PPM1H: variants seen among roughly 807,000 people sequenced by gnomAD.
The protein encoded by PPM1H is protein phosphatase, Mg2+/Mn2+ dependent 1H.
A neutral mutation model predicts 54.9 loss-of-function variants in PPM1H; 27 were observed. The observed-to-expected ratio is 0.49, with a 90% CI of 0.36 to 0.68. The LOEUF (loss-of-function observed/expected upper bound fraction) is 0.68. Among genes scored for constraint, PPM1H ranks in the 30% least tolerant of loss-of-function variants. PPM1H has a pLI of 0.00. For missense variants in PPM1H, 596 were observed against 667.8 expected (o/e 0.89, Z 1.19); for synonymous variants, 305 against 270.8 (o/e 1.13, Z -1.24).
intron 6 of PPM1H, among the ~76,000 whole-genome samples, chr12:62,710,542 A>G (rs2076201057): frequency 6.6e-6 from 1 of 151,496 alleles, no homozygotes; most frequent in Admixed American, 6.6e-5. Context: ...CTCTTTAAAA[A>G]AAAAAAAAAA....
chr12:62,827,561 T>TG (rs1868304445), intron 2 of PPM1H, among the ~76,000 whole-genome samples: 1 of 152,204 alleles, frequency 6.6e-6, no homozygotes, highest in Non-Finnish European at 1.5e-5. Flanking sequence ...TTATGGTGTA[T>TG]GATGACCCTT....
intron 8 of PPM1H, among the ~76,000 whole-genome samples, chr12:62,668,362 C>T (rs1216427441): frequency 6.6e-6 from 1 of 152,154 alleles, no homozygotes; most frequent in African/African-American, 2.4e-5. Context: ...TTCAGCCTCC[C>T]TTATTACTCT....
At chr12:62,918,297 T>G (rs1871686007) in intron 1 of PPM1H, among the ~76,000 whole-genome samples, 1 of 152,206 alleles carries the variant, frequency 6.6e-6, no homozygotes, top group Admixed American at 6.5e-5. Context: ...AATTTTTCAT[T>G]AACTTATTTT....
chr12:62,756,126 A>G, intron 4 of PPM1H: 3 of 867,872 alleles, frequency 3.5e-6, no homozygotes, highest in Non-Finnish European at 5.8e-6. Context: ...TGGGGATGGC[A>G]TTGACCTCAA....
Position 62,846,117 on chromosome 12 carries a change from C to T in PPM1H, c.246-13838G>A, listed in dbSNP as rs139858767. Among the ~76,000 whole-genome samples, 654 of 152,300 alleles carry T rather than the reference C, an allele frequency of 4.3e-3. 1 individual carries two copies. The highest frequency in any genetic ancestry group is 5.2e-3 in the Non-Finnish European group (355 of 68,026). On this transcript the variant is annotated intron_variant, in intron 1 of 9. Transcript: ENST00000228705. ...CTTAGTAAATCCTGCACAGCAGGCC[C>T]GGACTGACCTTTCTCAACCGTGAAT...
chr12:62,654,646 T>C (rs573242538), intron 9 of PPM1H, among the ~76,000 whole-genome samples: 1 of 152,368 alleles, frequency 6.6e-6, no homozygotes, highest in South Asian at 2.1e-4. Flanking sequence ...TCTCTCACTC[T>C]GCCTTTTGTC....
intron 1 of PPM1H, among the ~76,000 whole-genome samples, chr12:62,895,884 A>G (rs529496209): frequency 1.6e-4 from 24 of 152,292 alleles, no homozygotes; most frequent in African/African-American, 5.8e-4. Flanking sequence ...CCATGAGCCA[A>G]CTAAACCTCC....
At chr12:62,786,868 A>T (rs1433504891) in intron 4 of PPM1H, among the ~76,000 whole-genome samples, 2 of 152,246 alleles carry the variant, frequency 1.3e-5, no homozygotes, top group Non-Finnish European at 2.9e-5. Context: ...ACACTTCTCC[A>T]CCTCTTTCAT....
At chr12:62,922,193 T>C (rs758638145) in intron 1 of PPM1H, among the ~76,000 whole-genome samples, 3 of 152,230 alleles carry the variant, frequency 2.0e-5, no homozygotes, top group Admixed American at 1.3e-4. Context: ...TTTAAAGTAC[T>C]GTTAAATGTA....
chr12:62,797,206 A>G (rs759447726), intron 3 of PPM1H, among the ~76,000 whole-genome samples: 31 of 152,158 alleles, frequency 2.0e-4, no homozygotes, highest in Admixed American at 1.9e-3. Context: ...CTCCCAGTGA[A>G]GGAGAAGCTC....
chr12:62,905,541 T>C (rs1322168711), intron 1 of PPM1H, among the ~76,000 whole-genome samples: 3 of 151,838 alleles, frequency 2.0e-5, no homozygotes, highest in Non-Finnish European at 2.9e-5. Context: ...AGGAAGAGAG[T>C]ATCCATTCCA....
chr12:62,889,924 G>T (rs1052838522), intron 1 of PPM1H, among the ~76,000 whole-genome samples: 3 of 152,158 alleles, frequency 2.0e-5, no homozygotes, highest in Admixed American at 6.5e-5. Context: ...TAATTGATAA[G>T]CTAGACTTTA....
intron 8 of PPM1H, among the ~76,000 whole-genome samples, chr12:62,675,428 C>T (rs2075980244): frequency 6.6e-6 from 1 of 152,126 alleles, no homozygotes; most frequent in African/African-American, 2.4e-5. Context: ...GAATGGGCTT[C>T]AACATAGCTC....
At chr12:62,756,086 C>T (rs2076472654) in intron 4 of PPM1H, 2 of 1,008,758 alleles carry the variant, frequency 2.0e-6, no homozygotes, top group Admixed American at 3.4e-5. Context: ...CTGATTTTAA[C>T]AGCGACATCC....
chr12:62,687,394 A>G lies in PPM1H; in HGVS notation c.1245+2305T>C, dbSNP rs551698964. ...GCAATCCTCTCACCTCAGCCTTCTG[A>G]GTAGCTGGGGCAGGCATGTGCCACC... On this transcript the variant is annotated intron_variant, in intron 8 of 9. Coordinates refer to ENST00000228705, the MANE Select transcript of PPM1H (RefSeq NM_020700.2). Among the ~76,000 whole-genome samples, 4 of 152,192 alleles carry G rather than the reference A, an allele frequency of 2.6e-5. No homozygotes were observed. In the East Asian group the frequency reaches 7.7e-4, roughly 29 times the overall value.
intron 5 of PPM1H, among the ~76,000 whole-genome samples, chr12:62,729,154 A>G (rs1031163320): frequency 8.5e-5 from 13 of 152,294 alleles, no homozygotes; most frequent in African/African-American, 2.6e-4. Context: ...ACACAAGTGA[A>G]GGAGGCTGAG....
intron 7 of PPM1H, among the ~76,000 whole-genome samples, chr12:62,692,064 T>G (rs1241572405): frequency 6.6e-6 from 1 of 152,178 alleles, no homozygotes; most frequent in East Asian, 1.9e-4. Flanking sequence ...CACCAGTCTT[T>G]AAAAGCATCT....
At position 62,648,346 on chromosome 12, in the gene PPM1H, T is replaced by G; in HGVS notation, c.*143A>C. The stretch of plus-strand genomic sequence containing the variant: ...GAAACCAAAGGGTCATCTTGAAGCA[T>G]AGTCTTTTGGCCATGAACTCCCCGC... On this transcript the variant is annotated 3_prime_UTR_variant, in exon 10 of 10. Coordinates refer to ENST00000228705, the MANE Select transcript of PPM1H (RefSeq NM_020700.2). The G allele has an allele frequency of 9.9e-7, 1 of 1,009,440 alleles. No homozygotes were observed. Among genetic ancestry groups the G allele is most frequent in the Non-Finnish European group, 1.4e-6 (1 of 692,052 alleles). 62.5% of individuals were successfully genotyped at this position (1,009,440 alleles called of 1,614,324 possible). A position where few individuals can be genotyped will look rare whatever the true frequency, so the allele number is the denominator to read the frequency against.
At chr12:62,814,274 G>A (rs1010175211) in intron 2 of PPM1H, among the ~76,000 whole-genome samples, 2 of 152,060 alleles carry the variant, frequency 1.3e-5, no homozygotes, top group East Asian at 3.9e-4. Context: ...GTAGAGATGA[G>A]TTCTCCTTAT....
Sources: allele counts gnomAD v4.1 joint callset (sites outside exome capture counted in the v4.1 genomes callset), GRCh38; gene constraint gnomAD v4.1.1; transcripts MANE v1.5; gene names NCBI Gene and HGNC (gene_info 2026-07-23, HGNC 2026-07-21).